Variants in THOC5 observed in about 807,000 individuals in gnomAD.
The protein encoded by THOC5 is THO complex subunit 5.
A neutral mutation model predicts 92.9 loss-of-function variants in THOC5; 43 were observed. That is an observed-to-expected ratio of 0.46 (90% CI 0.36 to 0.60). The LOEUF (loss-of-function observed/expected upper bound fraction) is 0.60. THOC5 is among the 20% of genes least tolerant of loss of function. The pLI, the probability that THOC5 is intolerant of heterozygous loss-of-function variation, is 0.00. For synonymous variants in THOC5, 296 were observed against 320.1 expected (o/e 0.92, Z 0.80); for missense variants, 659 against 849.4 (o/e 0.78, Z 2.79).
At chr22:29,546,662 A>G (rs566226865) in intron 2 of THOC5, among the ~76,000 whole-genome samples, 1 of 151,974 alleles carries the variant, frequency 6.6e-6, no homozygotes, top group South Asian at 2.1e-4. Flanking sequence ...CTGGTCTCGA[A>G]CTTCTGACCT....
chr22:29,513,496 C>G (rs199518503), intron 17 of THOC5, among the ~76,000 whole-genome samples: 4 of 152,056 alleles, frequency 2.6e-5, no homozygotes, highest in African/African-American at 9.6e-5. Context: ...AGGACCAGCC[C>G]AGCCAACATA....
Position 29,508,133 on chromosome 22 carries a change from G to A in THOC5, c.*324C>T, listed in dbSNP as rs956113184. 10 of 283,818 alleles carry A rather than the reference G, an allele frequency of 3.5e-5. No homozygotes were observed. The highest frequency in any genetic ancestry group is 4.9e-5 in the Admixed American group (1 of 20,500). The allele number at this position is 283,818 out of a possible 1,614,324, so 17.6% of individuals were successfully genotyped here. On this transcript the variant is annotated 3_prime_UTR_variant, in exon 20 of 20. Transcript: ENST00000490103. The stretch of plus-strand genomic sequence containing the variant: ...TACAAGATCATGAGGACCTCACCCC[G>A]CAAAGCACAAATAGGGTGTGCGTAG...
At chr22:29,532,525 C>T (rs1355512338) in intron 7 of THOC5, among the ~76,000 whole-genome samples, 2 of 151,742 alleles carry the variant, frequency 1.3e-5, no homozygotes, top group African/African-American at 2.4e-5. Flanking sequence ...ATTAGCTGGG[C>T]GTGGTGGCAT....
At chr22:29,520,550 C>T (rs922291389) in intron 13 of THOC5, among the ~76,000 whole-genome samples, 1 of 152,066 alleles carries the variant, frequency 6.6e-6, no homozygotes, top group Non-Finnish European at 1.5e-5. Flanking sequence ...GGCTGGAGTA[C>T]AGCGACATGA....
At chr22:29,548,423 C>T (rs1306382928) in intron 2 of THOC5, among the ~76,000 whole-genome samples, 4 of 152,046 alleles carry the variant, frequency 2.6e-5, no homozygotes, top group East Asian at 1.9e-4. Context: ...GGCATGGTGG[C>T]GTGCAGCTGT....
At chr22:29,551,932 C>T (rs979250310) in intron 1 of THOC5, among the ~76,000 whole-genome samples, 32 of 152,010 alleles carry the variant, frequency 2.1e-4, no homozygotes, top group Middle Eastern at 3.4e-3. Context: ...ATTGCAGGCG[C>T]GCGCCGCCAC....
chr22:29,545,854 G>C (rs939838735), intron 2 of THOC5, among the ~76,000 whole-genome samples: 1 of 152,232 alleles, frequency 6.6e-6, no homozygotes, highest in Non-Finnish European at 1.5e-5. Flanking sequence ...TGAAGGGACG[G>C]TGGCCCTCTT....
chr22:29,529,043 G>T, intron 9 of THOC5, 119 bp downstream of exon 9: 1 of 994,186 alleles, frequency 1.0e-6, no homozygotes, highest in Non-Finnish European at 1.6e-6. Context: ...AGGGTGCTAA[G>T]ACATTCAAGT....
Position 29,521,042 on chromosome 22 carries a change from C to G in THOC5, c.1233G>C (p.Lys411Asn), listed in dbSNP as rs762752503. 6.2e-7 allele frequency: 1 copy of G among 1,614,180 alleles called. No homozygotes were observed. The highest frequency in any genetic ancestry group is 1.1e-5 in the South Asian group (1 of 91,084). ...ACTGATTGGCTGGATTCGGAGTTTTCTTTCCATGATCCCCAGGATACAAGC... is the reference window on the plus strand; with the variant it reads ...ACTGATTGGCTGGATTCGGAGTTTTGTTTCCATGATCCCCAGGATACAAGC... ...LSCLYPGDHG[K>N]KTPNPANQYQ... The change falls in exon 13 of 20, where the codon AAG becomes AAC. Residue 411 changes from lysine (K) to asparagine (N), a missense_variant. Coordinates refer to ENST00000490103, the MANE Select transcript of THOC5 (RefSeq NM_003678.5).
chr22:29,523,016 C>G (rs2063475405), intron 12 of THOC5, among the ~76,000 whole-genome samples: 1 of 144,072 alleles, frequency 6.9e-6, no homozygotes. Flanking sequence ...AAAAAGAAAA[C>G]AAAAAACCAA....
rs1336963965 is a variant in THOC5, at chr22:29,529,183, T to G, written c.904A>C (p.Lys302Gln). The change falls in exon 9 of 20, where the codon AAA becomes CAA. Residue 302 changes from lysine to glutamine, a missense_variant. Transcript: ENST00000490103. ...GSVDEAKALF[K>Q]PPEDSQDDES... Reference sequence around the variant, plus strand: ...TTACCTTGGGAGTCCTCTGGAGGTTTGAACAGAGCCTTGGCTTCATCCACA... The same window carrying G: ...TTACCTTGGGAGTCCTCTGGAGGTTGGAACAGAGCCTTGGCTTCATCCACA... 2.5e-6 allele frequency: 4 copies of G among 1,614,090 alleles called. No individual in the cohort carries two copies. The African/African-American group carries it at 5.3e-5, about 22-fold the overall frequency.
intron 7 of THOC5, chr22:29,535,261 C>CA (rs572658824): frequency 0.29 from 16,950 of 58,380 alleles, 2,198 homozygotes; most frequent in East Asian, 0.49. Context: ...ACTCTGTCTC[C>CA]AAAAAAAAAA....
At chr22:29,545,110 C>T in intron 2 of THOC5, 1 of 427,760 alleles carries the variant, frequency 2.3e-6, no homozygotes, top group Non-Finnish European at 4.6e-6. Context: ...AGGTGAAAGG[C>T]ACTTCTTATG....
intron 12 of THOC5, among the ~76,000 whole-genome samples, chr22:29,525,316 C>G (rs1569216878): frequency 6.6e-6 from 1 of 152,060 alleles, no homozygotes; most frequent in Non-Finnish European, 1.5e-5. Flanking sequence ...GTAGTCAGGG[C>G]CTTCCTGGGG....
At chr22:29,509,591 G>A (rs1007950823) in intron 19 of THOC5, among the ~76,000 whole-genome samples, 1 of 152,224 alleles carries the variant, frequency 6.6e-6, no homozygotes, top group African/African-American at 2.4e-5. Context: ...TGCTTCTAGG[G>A]GCTAGAACTG....
intron 11 of THOC5, 63 bp from the exon 12 acceptor site, chr22:29,526,009 C>T (rs1030766682): frequency 1.7e-6 from 2 of 1,167,132 alleles, no homozygotes; most frequent in African/African-American, 1.6e-5. Flanking sequence ...TGAACAGAGT[C>T]ATAGGGGGTA....
At position 29,548,952 on chromosome 22, in the gene THOC5, T is replaced by A. The variant is rs76443149; in HGVS notation, c.96+100A>T. On this transcript the variant is annotated intron_variant, in intron 2 of 19. Transcript: ENST00000490103. ...TCAAGTGGAAGCCACCAAAAAGTTG[T>A]ACCTGGTAGATGCGACCCCGAGCTG... 2.9e-3 allele frequency: 3,281 copies of A among 1,118,510 alleles called. 11 individuals are homozygous for A. Among genetic ancestry groups the A allele is most frequent in the Non-Finnish European group, 3.4e-3 (2,639 of 779,274 alleles). 69.3% of individuals were successfully genotyped at this position (1,118,510 alleles called of 1,614,324 possible).
intron 7 of THOC5, chr22:29,535,122 G>A (rs1318180013): frequency 6.6e-6 from 1 of 151,696 alleles, no homozygotes; most frequent in Non-Finnish European, 1.5e-5. Context: ...AAATTAGCCA[G>A]GTGTGGTGGT....
Position 29,525,825 on chromosome 22 carries a change from G to A in THOC5, c.1175+13C>T, listed in dbSNP as rs766542709. On this transcript the variant is annotated intron_variant, in intron 12 of 19. Coordinates refer to ENST00000490103, the MANE Select transcript of THOC5 (RefSeq NM_003678.5). ...CATCCCGCACGTCATTGCCCAGAGC[G>A]CCTGCTCAATACCCTGCACTGATGG... 7 of 1,604,810 alleles carry A rather than the reference G, an allele frequency of 4.4e-6. No homozygotes were observed. The highest frequency in any genetic ancestry group is 1.7e-5 in the Admixed American group (1 of 59,928).
Sources: allele counts gnomAD v4.1 joint callset (sites outside exome capture counted in the v4.1 genomes callset), GRCh38; gene constraint gnomAD v4.1.1; transcripts MANE v1.5; gene names NCBI Gene and HGNC (gene_info 2026-07-23, HGNC 2026-07-21).